The following PDE1A variants were observed in gnomAD, a reference collection of about 807,000 sequenced individuals.
PDE1A encodes phosphodiesterase 1A.
PDE1A carries 35 observed loss-of-function variants against 61.7 expected under a neutral mutation model. That is an observed-to-expected ratio of 0.57 (90% CI 0.43 to 0.75). The LOEUF is 0.75. Among genes scored for constraint, PDE1A ranks in the 30% least tolerant of loss-of-function variants. The pLI is 0.00. For synonymous variants in PDE1A, 232 were observed against 213.2 expected (o/e 1.09, Z -0.77); for missense variants, 597 against 630.6 (o/e 0.95, Z 0.57).
chr2:182,699,979 C>T, the PDE1A span, among the ~76,000 whole-genome samples: 1 of 152,160 alleles, frequency 6.6e-6, no homozygotes, highest in Admixed American at 6.5e-5. Context: ...GCTACTGGTG[C>T]TACTGTCATC....
intron 1 of PDE1A, among the ~76,000 whole-genome samples, chr2:182,363,063 G>C (rs2125181646): frequency 6.6e-6 from 1 of 152,074 alleles, no homozygotes; most frequent in East Asian, 1.9e-4. Flanking sequence ...GCCTATTGGA[G>C]GATGGAGGGC....
intron 2 of PDE1A, among the ~76,000 whole-genome samples, chr2:182,459,141 C>T (rs1686112980): frequency 6.6e-6 from 1 of 152,080 alleles, no homozygotes; most frequent in Non-Finnish European, 1.5e-5. Context: ...CTATTACTGG[C>T]TGTTAAATTA....
At chr2:182,339,663 T>C (rs1317374848) in intron 1 of PDE1A, among the ~76,000 whole-genome samples, 1 of 152,100 alleles carries the variant, frequency 6.6e-6, no homozygotes, top group Non-Finnish European at 1.5e-5. Context: ...CAATTGGGAG[T>C]TAAAAGGCAA....
intron 10 of PDE1A, among the ~76,000 whole-genome samples, chr2:182,198,145 A>G (rs887680614): frequency 1.3e-5 from 2 of 151,060 alleles, no homozygotes; most frequent in African/African-American, 4.9e-5. Context: ...AAATTTTATT[A>G]TTTTATGCTG....
chr2:182,537,930 T>C, the PDE1A span, among the ~76,000 whole-genome samples: 1 of 152,134 alleles, frequency 6.6e-6, no homozygotes, highest in Admixed American at 6.5e-5. Flanking sequence ...GAACAAGAGA[T>C]TGAAGCTCTT....
chr2:182,594,239 T>C, the PDE1A span, among the ~76,000 whole-genome samples: 1 of 152,220 alleles, frequency 6.6e-6, no homozygotes, highest in East Asian at 1.9e-4. Flanking sequence ...AATGATTTAT[T>C]TATTTCTAGA....
chr2:182,696,570 G>C, the PDE1A span, among the ~76,000 whole-genome samples: 2 of 152,130 alleles, frequency 1.3e-5, no homozygotes, highest in Admixed American at 6.6e-5. Context: ...TTATACATTT[G>C]TTCAAATCTA....
intron 12 of PDE1A, 30 bp from the exon 13 acceptor site, chr2:182,186,109 A>G (rs1278661104): frequency 6.2e-7 from 1 of 1,607,562 alleles, no homozygotes; most frequent in Non-Finnish European, 8.5e-7. Context: ...AAACCAAAAA[A>G]CACCATCAGG....
At chr2:182,703,496 A>T in the PDE1A span, among the ~76,000 whole-genome samples, 1 of 152,198 alleles carries the variant, frequency 6.6e-6, no homozygotes, top group South Asian at 2.1e-4. Flanking sequence ...GGTTGGGTAA[A>T]ATTTATGCCT....
the PDE1A span, among the ~76,000 whole-genome samples, chr2:182,709,888 TTTTG>T: frequency 3.9e-5 from 6 of 152,300 alleles, no homozygotes; most frequent in East Asian, 1.9e-4. Context: ...CTGCCTTCTC[TTTTG>T]TTTGTTTGTT....
the PDE1A span, among the ~76,000 whole-genome samples, chr2:182,546,823 G>T: frequency 6.6e-6 from 1 of 152,158 alleles, no homozygotes; most frequent in Non-Finnish European, 1.5e-5. Flanking sequence ...GAATTGAACT[G>T]AAATAATCTT....
chr2:182,706,957 G>A, the PDE1A span, among the ~76,000 whole-genome samples: 1 of 152,242 alleles, frequency 6.6e-6, no homozygotes, highest in Admixed American at 6.5e-5. Context: ...GTCAGGCACT[G>A]TTCTGAAAGC....
chr2:182,716,031 G>A, the PDE1A span: 1 of 152,346 alleles, frequency 6.6e-6, no homozygotes, highest in African/African-American at 2.4e-5. Context: ...GCCCGCGGCA[G>A]GCGCCGGCCG....
chr2:182,194,312 C>CT (rs1161506122), intron 10 of PDE1A, among the ~76,000 whole-genome samples: 1 of 152,128 alleles, frequency 6.6e-6, no homozygotes, highest in Non-Finnish European at 1.5e-5. Context: ...GCCAACCTGA[C>CT]ATGTGTGTTC....
At chr2:182,244,751 A>C (rs1690825349) in intron 2 of PDE1A, among the ~76,000 whole-genome samples, 1 of 151,846 alleles carries the variant, frequency 6.6e-6, no homozygotes, top group Non-Finnish European at 1.5e-5. Flanking sequence ...TTTCTTTTTG[A>C]AAATTGTTCA....
chr2:182,666,230 A>T, the PDE1A span, among the ~76,000 whole-genome samples: 1 of 152,340 alleles, frequency 6.6e-6, no homozygotes, highest in East Asian at 1.9e-4. Flanking sequence ...ATTAAATTTT[A>T]AAAAATCACC....
intron 1 of PDE1A, among the ~76,000 whole-genome samples, chr2:182,284,280 A>C (rs1410342352): frequency 2.0e-5 from 3 of 152,176 alleles, no homozygotes; most frequent in Non-Finnish European, 4.4e-5. Context: ...GACTTAGCTT[A>C]CTTCTTAGCT....
At chr2:182,313,565 G>C (rs1696134853) in intron 1 of PDE1A, among the ~76,000 whole-genome samples, 1 of 152,160 alleles carries the variant, frequency 6.6e-6, no homozygotes, top group South Asian at 2.1e-4. Flanking sequence ...ATAGCAGTAA[G>C]AGCAGACATC....
intron 13 of PDE1A, among the ~76,000 whole-genome samples, chr2:182,157,047 C>T (rs1311218796): frequency 1.4e-5 from 2 of 143,024 alleles, no homozygotes; most frequent in Admixed American, 1.4e-4. Flanking sequence ...CAGAGTCTTG[C>T]TCTGTCACCC....
Sources: allele counts gnomAD v4.1 joint callset (sites outside exome capture counted in the v4.1 genomes callset), GRCh38; gene constraint gnomAD v4.1.1; transcripts MANE v1.5; gene names NCBI Gene and HGNC (gene_info 2026-07-23, HGNC 2026-07-21).